SLC30A7: variants seen among roughly 807,000 people sequenced by gnomAD.
The protein encoded by SLC30A7 is zinc transporter 7.
A neutral mutation model predicts 46.0 loss-of-function variants in SLC30A7; 35 were observed. The observed-to-expected ratio is 0.76, with a 90% CI of 0.58 to 1.01. The LOEUF (loss-of-function observed/expected upper bound fraction) is 1.01, where lower values mean the gene tolerates loss of function less well. Ranked by LOEUF, SLC30A7 falls within the 50% of genes least tolerant of loss-of-function variation. The pLI is 0.00. For missense variants in SLC30A7, 464 were observed against 451.1 expected, an observed-to-expected ratio of 1.03 and a Z score of -0.26; for synonymous variants, 147 against 157.8, an observed-to-expected ratio of 0.93 and a Z score of 0.51.
chr1:100,896,304 C>T lies in SLC30A7; in HGVS notation c.42C>T (p.Pro14=). ...TCAAAGACGATGAATACAAACCACC[C>T]AAGTTCAATTTGTTCGGCAAGATCT... ...LSIKDDEYKP[P]KFNLFGKISG... The change falls in exon 1 of 11, where the codon CCC becomes CCT. Residue 14 remains proline, a synonymous_variant. Transcript: ENST00000357650. 4 of 1,614,212 alleles carry T rather than the reference C, an allele frequency of 2.5e-6. No individual in the cohort carries two copies. The highest frequency in any genetic ancestry group is 3.4e-6 in the Non-Finnish European group (4 of 1,180,038).
intron 8 of SLC30A7, among the ~76,000 whole-genome samples, chr1:100,954,284 C>T (rs978213535): frequency 1.3e-5 from 2 of 152,076 alleles, no homozygotes; most frequent in African/African-American, 4.8e-5. Context: ...TAACTCTTAC[C>T]TATGTATAAC....
Position 100,921,809 on chromosome 1 carries a change from T to C in SLC30A7, c.810T>C (p.Cys270=). ...NFGLMIADPI[C]SILIAILIVV... is the part of the protein sequence containing the mutation. ...GTCTGATGATAGCAGATCCTATCTGTTCAATTCTTATAGCCATTCTTATAG... is the reference window on the plus strand; with the variant it reads ...GTCTGATGATAGCAGATCCTATCTGCTCAATTCTTATAGCCATTCTTATAG... The change falls in exon 8 of 11, where the codon TGT becomes TGC. Residue 270 remains cysteine (C), a synonymous_variant. Coordinates refer to ENST00000357650, the MANE Select transcript of SLC30A7 (RefSeq NM_133496.5). The C allele has an allele frequency of 6.2e-7, 1 of 1,613,266 alleles. No homozygotes were observed. The highest frequency in any genetic ancestry group is 1.1e-5 in the South Asian group (1 of 91,056).
At chr1:100,915,105 A>G (rs1356485021) in intron 6 of SLC30A7, among the ~76,000 whole-genome samples, 1 of 90,048 alleles carries the variant, frequency 1.1e-5, no homozygotes, top group Non-Finnish European at 2.6e-5. Context: ...CCTACTCTCA[A>G]TTCTTTCTTT....
chr1:100,950,611 T>C (rs887463180), intron 8 of SLC30A7, among the ~76,000 whole-genome samples: 30 of 152,072 alleles, frequency 2.0e-4, no homozygotes, highest in African/African-American at 6.8e-4. Flanking sequence ...CTGTTGATGT[T>C]TTCCTGAGCT....
intron 6 of SLC30A7, among the ~76,000 whole-genome samples, chr1:100,915,205 CT>C (rs1399202409): frequency 1.8e-5 from 2 of 111,988 alleles, no homozygotes; most frequent in African/African-American, 6.7e-5. Context: ...TTCTTTCTTT[CT>C]TTCTTTCTTT....
intron 2 of SLC30A7, among the ~76,000 whole-genome samples, chr1:100,896,908 A>T (rs1254414854): frequency 6.6e-6 from 1 of 152,078 alleles, no homozygotes; most frequent in African/African-American, 2.4e-5. Context: ...GTTCCATCAG[A>T]CAAGACTGAC....
chr1:100,951,465 G>T (rs1294903621), intron 8 of SLC30A7, among the ~76,000 whole-genome samples: 1 of 152,134 alleles, frequency 6.6e-6, no homozygotes, highest in African/African-American at 2.4e-5. Context: ...TGTGAAAAAG[G>T]AGGCACTACC....
At chr1:100,930,405 T>G (rs926809426) in intron 8 of SLC30A7, among the ~76,000 whole-genome samples, 1 of 148,202 alleles carries the variant, frequency 6.7e-6, no homozygotes, top group Admixed American at 6.7e-5. Flanking sequence ...TAAAATAGAA[T>G]GTATACTAAT....
At chr1:100,941,443 T>G in intron 8 of SLC30A7, 2 of 427,158 alleles carry the variant, frequency 4.7e-6, no homozygotes, top group Admixed American at 5.5e-5. Flanking sequence ...CTTCCCTAAT[T>G]TCACAATTGT....
chr1:100,926,112 C>T (rs1311743797), intron 8 of SLC30A7, among the ~76,000 whole-genome samples: 2 of 152,164 alleles, frequency 1.3e-5, no homozygotes, highest in East Asian at 1.9e-4. Flanking sequence ...TTGTCTAGGT[C>T]CTACTGACCT....
At chr1:100,956,860 T>C (rs1655251124) in intron 8 of SLC30A7, among the ~76,000 whole-genome samples, 1 of 152,096 alleles carries the variant, frequency 6.6e-6, no homozygotes, top group Non-Finnish European at 1.5e-5. Context: ...AAAATGAAAA[T>C]GGATACAAGC....
intron 10 of SLC30A7, among the ~76,000 whole-genome samples, chr1:100,969,275 A>C (rs1352682299): frequency 6.6e-6 from 1 of 152,188 alleles, no homozygotes; most frequent in African/African-American, 2.4e-5. Flanking sequence ...AGGGACAACA[A>C]GATAACCAGG....
chr1:100,989,671 A>C, the SLC30A7 span: 3 of 152,310 alleles, frequency 2.0e-5, no homozygotes, highest in East Asian at 5.8e-4. Flanking sequence ...GGCACTCATA[A>C]CATTTTTTAC....
intron 8 of SLC30A7, among the ~76,000 whole-genome samples, chr1:100,945,818 G>A (rs1654602577): frequency 6.6e-6 from 1 of 152,102 alleles, no homozygotes; most frequent in African/African-American, 2.4e-5. Context: ...TTCCAATTCT[G>A]TGAAGACAGT....
At position 100,981,612 on chromosome 1, in the gene SLC30A7, G is replaced by A. The variant is rs2101113812; in HGVS notation, c.*6755G>A. The stretch of plus-strand genomic sequence containing the variant: ...GTGAGCAATTATGATTTGCCCAAGT[G>A]CAATACAACAAATCTATAATGTATA... On this transcript the variant is annotated 3_prime_UTR_variant, in exon 11 of 11. Coordinates refer to ENST00000357650, the MANE Select transcript of SLC30A7 (RefSeq NM_133496.5). 1 of 152,100 alleles carries A rather than the reference G, an allele frequency of 6.6e-6. No individual in the cohort carries two copies. Among genetic ancestry groups the A allele is most frequent in the East Asian group, 1.9e-4 (1 of 5,202 alleles). 9.4% of individuals were successfully genotyped at this position (152,100 alleles called of 1,614,324 possible).
At position 100,896,295 on chromosome 1, in the gene SLC30A7, C is replaced by CA; in HGVS notation, c.36dup (p.Pro13ThrfsTer15). ...CCCTGTCCATCAAAGACGATGAATA[C>CA]AAACCACCCAAGTTCAATTTGTTCG... On this transcript the variant is annotated frameshift_variant, in exon 1 of 11. Coordinates refer to ENST00000357650, the MANE Select transcript of SLC30A7 (RefSeq NM_133496.5). LOFTEE classifies it high-confidence loss of function. 6.2e-7 allele frequency: 1 copy of CA among 1,614,216 alleles called. No homozygotes were observed. Among genetic ancestry groups the CA allele is most frequent in the South Asian group, 1.1e-5 (1 of 91,082 alleles).
At chr1:100,995,796 T>G in the SLC30A7 span, 1 of 152,190 alleles carries the variant, frequency 6.6e-6, no homozygotes, top group Non-Finnish European at 1.5e-5. Context: ...AACTGAACTA[T>G]TTGGTAAAAG....
chr1:100,925,892 G>A (rs1653267345), intron 8 of SLC30A7, among the ~76,000 whole-genome samples: 1 of 152,168 alleles, frequency 6.6e-6, no homozygotes, highest in Admixed American at 6.5e-5. Flanking sequence ...TTAAAGTCAT[G>A]GAGTGGTTGG....
Position 100,976,979 on chromosome 1 carries a change from T to G in SLC30A7, c.*2122T>G, listed in dbSNP as rs1299685781. On this transcript the variant is annotated 3_prime_UTR_variant, in exon 11 of 11. Transcript: ENST00000357650. Reference sequence around the variant, plus strand: ...GAAAGTTCAAAAGGAAGTGTCCTGATAATGGTACTGGTTTTTCTACAAATA... The same window carrying G: ...GAAAGTTCAAAAGGAAGTGTCCTGAGAATGGTACTGGTTTTTCTACAAATA... 1 of 151,932 alleles carries G rather than the reference T, an allele frequency of 6.6e-6. No individual in the cohort carries two copies. The highest frequency in any genetic ancestry group is 1.5e-5 in the Non-Finnish European group (1 of 67,948). 9.4% of individuals were successfully genotyped at this position (151,932 alleles called of 1,614,324 possible). A position where few individuals can be genotyped will look rare whatever the true frequency, so the allele number is the denominator to read the frequency against.
Sources: allele counts gnomAD v4.1 joint callset (sites outside exome capture counted in the v4.1 genomes callset), GRCh38; gene constraint gnomAD v4.1.1; transcripts MANE v1.5; gene names NCBI Gene and HGNC (gene_info 2026-07-23, HGNC 2026-07-21).